Variants in ZNF718 observed in about 807,000 individuals in gnomAD.
The protein encoded by ZNF718 is zinc finger protein 718.
A neutral mutation model predicts 2.6 loss-of-function variants in ZNF718; 3 were observed. The ratio of observed to expected loss-of-function variants is 1.16; its 90% CI spans 0.53 to 3.01. The LOEUF (loss-of-function observed/expected upper bound fraction) is 3.01, where lower values mean the gene tolerates loss of function less well. Among genes scored for constraint, ZNF718 ranks in the 30% most tolerant of loss-of-function variants. The pLI, the probability that ZNF718 is intolerant of heterozygous loss-of-function variation, is 0.03. For synonymous variants in ZNF718, 135 were observed against 77.9 expected, an observed-to-expected ratio of 1.73 and a Z score of -3.86; for missense variants, 468 against 230.0, an observed-to-expected ratio of 2.03 and a Z score of -6.69.
chr4:143,248 G>T (rs1479501316), intron 3 of ZNF718, among the ~76,000 whole-genome samples: 1 of 152,224 alleles, frequency 6.6e-6, no homozygotes, highest in African/African-American at 2.4e-5. Context: ...CTGGAGTGCA[G>T]TGGTGTAATC....
chr4:173,444 T>G (rs1408192301), intron 3 of ZNF718, among the ~76,000 whole-genome samples: 1 of 152,214 alleles, frequency 6.6e-6, no homozygotes, highest in Admixed American at 6.5e-5. Context: ...TATAAAACTT[T>G]AAATTTTTAA....
chr4:124,767 C>A (rs1448819604), intron 1 of ZNF718, 94 bp downstream of exon 1: 2 of 1,527,576 alleles, frequency 1.3e-6, no homozygotes, highest in Non-Finnish European at 8.9e-7. Context: ...GAATGGAGTT[C>A]CCGCTCAGCC....
rs377718011 is a variant in ZNF718, at chr4:162,076, C to T, written c.1391C>T (p.Ser464Phe). ...KECGKAFKQY[S>F]NLPQHKRTHT... ...TGCGGGAAAGCTTTTAAGCAGTACTCCAACCTTCCTCAACATAAGAGAACT... is the reference window on the plus strand; with the variant it reads ...TGCGGGAAAGCTTTTAAGCAGTACTTCAACCTTCCTCAACATAAGAGAACT... The change falls in exon 4 of 4, where the codon TCC becomes TTC. Residue 464 changes from serine (S) to phenylalanine (F), a missense_variant. Transcript: ENST00000510175. 27 of 771,742 alleles carry T rather than the reference C, an allele frequency of 3.5e-5. No individual in the cohort carries two copies. The Middle Eastern group carries it at 1.8e-3, about 52-fold the overall frequency. The allele number at this position is 771,742 out of a possible 1,614,324, so 47.8% of individuals were successfully genotyped here.
chr4:165,521 G>A (rs529528076), downstream of ZNF718, among the ~76,000 whole-genome samples: 3 of 152,218 alleles, frequency 2.0e-5, no homozygotes, highest in East Asian at 1.9e-4. Flanking sequence ...TTTCTAGGCC[G>A]GGTACAGTGG....
At chr4:179,524 T>C (rs180932669) in intron 3 of ZNF718, among the ~76,000 whole-genome samples, 4 of 152,320 alleles carry the variant, frequency 2.6e-5, no homozygotes, top group Admixed American at 2.6e-4. Context: ...AATGTATGTG[T>C]ATGTTTATGT....
intron 3 of ZNF718, chr4:149,909 T>C (rs782233150): frequency 1.3e-4 from 20 of 152,152 alleles, no homozygotes; most frequent in Admixed American, 2.6e-4. Flanking sequence ...TTCTTAAACA[T>C]TTTCAATTGT....
intron 3 of ZNF718, among the ~76,000 whole-genome samples, chr4:152,743 C>T (rs537069496): frequency 1.9e-4 from 29 of 152,146 alleles, no homozygotes; most frequent in Middle Eastern, 6.8e-3. Context: ...CATGAGCCAC[C>T]GTGCCTGGCT....
At chr4:190,777 A>G (rs1203320358) in intron 3 of ZNF718, among the ~76,000 whole-genome samples, 2 of 152,154 alleles carry the variant, frequency 1.3e-5, no homozygotes, top group Admixed American at 1.3e-4. Flanking sequence ...GTGGTGGCTC[A>G]TGCTTGTAAT....
At chr4:178,067 T>A (rs1717385097) in intron 3 of ZNF718, among the ~76,000 whole-genome samples, 3 of 152,090 alleles carry the variant, frequency 2.0e-5, no homozygotes, top group South Asian at 4.1e-4. Flanking sequence ...ATATAGCTAG[T>A]ACATGCTGAC....
intron 3 of ZNF718, among the ~76,000 whole-genome samples, chr4:196,266 A>C (rs782491341): frequency 2.6e-5 from 4 of 152,146 alleles, no homozygotes; most frequent in Non-Finnish European, 5.9e-5. Context: ...AGCCATTTAC[A>C]AACTTGGGGC....
At chr4:136,101 C>A (rs1553809273) in intron 3 of ZNF718, among the ~76,000 whole-genome samples, 1 of 152,080 alleles carries the variant, frequency 6.6e-6, no homozygotes, top group African/African-American at 2.4e-5. Context: ...TCTTTCTGGG[C>A]CCTGGAAAGA....
chr4:200,906 C>G (rs1717886384), intron 3 of ZNF718, among the ~76,000 whole-genome samples: 1 of 152,152 alleles, frequency 6.6e-6, no homozygotes, highest in African/African-American at 2.4e-5. Flanking sequence ...ATGTCTCATG[C>G]AATGCCTAAA....
rs577197794 is a variant in ZNF718, at chr4:176,125, A to G, written c.227-24956A>G. 9.9e-4 allele frequency among the ~76,000 whole-genome samples: 150 copies of G among 152,230 alleles called. 1 individual carries two copies. The highest frequency in any genetic ancestry group is 3.5e-3 in the African/African-American group (147 of 41,542). On this transcript the variant is annotated intron_variant and NMD_transcript_variant, in intron 3 of 4. Transcript: ENST00000642529. Reference sequence around the variant, plus strand: ...GCACCCTTATAAGCTCTAATTGCCCACAACCTTTTAGAACTCTGCAGGCAG... The same window carrying G: ...GCACCCTTATAAGCTCTAATTGCCCGCAACCTTTTAGAACTCTGCAGGCAG...
Position 131,248 on chromosome 4 carries a change from A to G in ZNF718, c.131-162A>G, listed in dbSNP as rs1362937007. Among the ~76,000 whole-genome samples, 2 of 104,412 alleles carry G rather than the reference A, an allele frequency of 1.9e-5. 1 individual carries two copies. Among genetic ancestry groups the G allele is most frequent in the Non-Finnish European group, 4.3e-5 (2 of 46,868 alleles). The allele number at this position is 104,412 out of a possible 152,430, so 68.5% of individuals were successfully genotyped here. On this transcript the variant is annotated intron_variant, in intron 2 of 3. Coordinates refer to ENST00000510175, the MANE Select transcript of ZNF718 (RefSeq NM_001039127.6). The stretch of plus-strand genomic sequence containing the variant: ...CGGTAGTGGAACTTAAAGCCCACAG[A>G]TTTAAAATACTTAAATATTCTACAG...
At chr4:181,430 TAG>T (rs1257667381) in intron 3 of ZNF718, among the ~76,000 whole-genome samples, 1 of 152,034 alleles carries the variant, frequency 6.6e-6, no homozygotes, top group African/African-American at 2.4e-5. Flanking sequence ...CTTTTAAAAT[TAG>T]AGATATAATC....
rs185849081 is a variant in ZNF718 at position 159,073 on chromosome 4, G to A, written c.227-1839G>A. On this transcript the variant is annotated intron_variant, in intron 3 of 3. Transcript: ENST00000510175. ...TTTTTTTGAGATGGAGTCTTGTTTT[G>A]TCGCCCAGGCTAGAGTGCAGTGGCG... Among the ~76,000 whole-genome samples, 177 of 113,866 alleles carry A rather than the reference G, an allele frequency of 1.6e-3. 5 individuals carry two copies. The East Asian group carries it at 0.043, about 27-fold the overall frequency. The allele number at this position is 113,866 out of a possible 152,430, so 74.7% of individuals were successfully genotyped here. A position where few individuals can be genotyped will look rare whatever the true frequency, so the allele number is the denominator to read the frequency against.
intron 1 of ZNF718, among the ~76,000 whole-genome samples, chr4:127,441 C>T (rs1715265898): frequency 9.6e-6 from 1 of 103,632 alleles, no homozygotes; most frequent in African/African-American, 3.4e-5. Context: ...TCAGAGATCA[C>T]GGGGCCCATA....
chr4:155,111 G>T (rs1015736526), intron 3 of ZNF718, among the ~76,000 whole-genome samples: 1 of 152,124 alleles, frequency 6.6e-6, no homozygotes, highest in Non-Finnish European at 1.5e-5. Flanking sequence ...TCAAAAGCGA[G>T]GTTTGGAAAC....
chr4:145,063 TACTA>T (rs1201967487), intron 3 of ZNF718, among the ~76,000 whole-genome samples: 4 of 152,206 alleles, frequency 2.6e-5, no homozygotes, highest in African/African-American at 9.6e-5. Flanking sequence ...GGAATAATGA[TACTA>T]ACCCTTTCAT....
Sources: allele counts gnomAD v4.1 joint callset (sites outside exome capture counted in the v4.1 genomes callset), GRCh38; gene constraint gnomAD v4.1.1; transcripts MANE v1.5; gene names NCBI Gene and HGNC (gene_info 2026-07-23, HGNC 2026-07-21).